Variants in FBXL4 observed in about 807,000 individuals in gnomAD.
FBXL4 encodes the protein F-box/LRR-repeat protein 4.
In FBXL4, 40 loss-of-function variants were observed where a neutral mutation model predicts 58.9. The observed-to-expected ratio is 0.68, with a 90% CI of 0.53 to 0.88. FBXL4 has a LOEUF of 0.88. Among genes scored for constraint, FBXL4 ranks in the 40% least tolerant of loss-of-function variants. The pLI is 0.00. For missense variants in FBXL4, 676 were observed against 734.4 expected (o/e 0.92, Z 0.92); for synonymous variants, 263 against 265.5 (o/e 0.99, Z 0.09).
intron 7 of FBXL4, among the ~76,000 whole-genome samples, chr6:98,889,037 T>C (rs1458820185): frequency 6.6e-6 from 1 of 152,188 alleles, no homozygotes; most frequent in Admixed American, 6.6e-5. Flanking sequence ...AATATTCAAG[T>C]TGGTCACATG....
chr6:98,875,715 CAT>C lies in FBXL4; in HGVS notation c.1400_1401del (p.Tyr467Ter), dbSNP rs1238870745. 24 of 1,613,330 alleles carry C rather than the reference CAT, an allele frequency of 1.5e-5. No homozygotes were observed. The highest frequency in any genetic ancestry group is 1.9e-5 in the Non-Finnish European group (23 of 1,179,908). ...GCTCCTATCATGCTAGCTATCACAT[CAT>C]AGTCTTCAATCTGGAAATCAAATAA... ...SLGSCVMIED[Y>X]DVIASMIGAK... is the part of the protein sequence containing the mutation. On this transcript the variant is annotated frameshift_variant, in exon 9 of 10. Coordinates refer to ENST00000369244, the MANE Select transcript of FBXL4 (RefSeq NM_001278716.2). LOFTEE classifies it high-confidence loss of function.
At chr6:98,906,913 A>T (rs1771836203) in intron 5 of FBXL4, among the ~76,000 whole-genome samples, 1 of 152,112 alleles carries the variant, frequency 6.6e-6, no homozygotes, top group African/African-American at 2.4e-5. Flanking sequence ...GCATTTCTCT[A>T]ATGACCAGTG....
intron 5 of FBXL4, among the ~76,000 whole-genome samples, chr6:98,913,686 A>G (rs1772200115): frequency 6.6e-6 from 1 of 152,254 alleles, no homozygotes; most frequent in African/African-American, 2.4e-5. Flanking sequence ...GGAAATTTAT[A>G]GCACTACATG....
chr6:98,934,271 T>TA (rs1323999690), intron 2 of FBXL4, among the ~76,000 whole-genome samples: 1 of 151,972 alleles, frequency 6.6e-6, no homozygotes, highest in Non-Finnish European at 1.5e-5. Flanking sequence ...AAGAATTTCT[T>TA]AAAGAGATAA....
Position 98,876,819 on chromosome 6 carries a change from G to A in FBXL4, c.1390-1092C>T, listed in dbSNP as rs376387314. 3.9e-5 allele frequency among the ~76,000 whole-genome samples: 6 copies of A among 152,256 alleles called. 1 individual carries two copies. Among genetic ancestry groups the A allele is most frequent in the East Asian group, 3.9e-4 (2 of 5,186 alleles). On this transcript the variant is annotated intron_variant, in intron 8 of 9. Transcript: ENST00000369244. ...GTCCAAGGGTGGTGAGGGAGAGGACGGGCTATGGAGGGCAGAGTCACGCAG... is the reference window on the plus strand; with the variant it reads ...GTCCAAGGGTGGTGAGGGAGAGGACAGGCTATGGAGGGCAGAGTCACGCAG...
intron 7 of FBXL4, chr6:98,898,337 A>G (rs1771478725): frequency 1.1e-5 from 11 of 985,462 alleles, no homozygotes; most frequent in Non-Finnish European, 1.3e-5. Context: ...GCCCAGGTAC[A>G]TACTCTTTAA....
At chr6:98,914,073 G>A (rs1271659301) in intron 5 of FBXL4, among the ~76,000 whole-genome samples, 1 of 152,096 alleles carries the variant, frequency 6.6e-6, no homozygotes, top group Non-Finnish European at 1.5e-5. Flanking sequence ...TAGAAGAAAT[G>A]GATAAATTCC....
At chr6:98,900,052 T>G (rs762724709) in intron 6 of FBXL4, among the ~76,000 whole-genome samples, 1 of 152,216 alleles carries the variant, frequency 6.6e-6, no homozygotes, top group Admixed American at 6.5e-5. Context: ...TTGCTTGATA[T>G]TGAAAATATT....
At chr6:98,898,536 C>T (rs948958887) in intron 7 of FBXL4, 11 of 898,920 alleles carry the variant, frequency 1.2e-5, no homozygotes, top group South Asian at 1.0e-4. Context: ...ACTGGTCAGG[C>T]GGAGGTTTCA....
chr6:98,935,795 CA>C lies in FBXL4; in HGVS notation c.-308-917del, dbSNP rs372124984. 2.2e-3 allele frequency among the ~76,000 whole-genome samples: 253 copies of C among 117,586 alleles called. 6 individuals carry two copies. The highest frequency in any genetic ancestry group is 6.7e-3 in the African/African-American group (190 of 28,302). The allele number at this position is 117,586 out of a possible 152,430, so 77.1% of individuals were successfully genotyped here. On this transcript the variant is annotated intron_variant, in intron 1 of 9. Coordinates refer to ENST00000369244, the MANE Select transcript of FBXL4 (RefSeq NM_001278716.2). ...TGGGCGACAGAGCGAGACTCCGTCT[CA>C]AAAAAAAAAAAAGAATAAGGCATCT...
chr6:98,882,281 T>A (rs928791333), intron 7 of FBXL4, among the ~76,000 whole-genome samples: 1 of 152,084 alleles, frequency 6.6e-6, no homozygotes, highest in Non-Finnish European at 1.5e-5. Context: ...TATGGCTCCA[T>A]CCATTCACAT....
chr6:98,896,356 T>C (rs369451130), intron 7 of FBXL4, among the ~76,000 whole-genome samples: 2 of 152,224 alleles, frequency 1.3e-5, no homozygotes, highest in African/African-American at 4.8e-5. Flanking sequence ...TGAATACTAG[T>C]GCTGTAGCTT....
Position 98,917,695 on chromosome 6 carries a change from T to C in FBXL4, c.537A>G (p.Arg179=), listed in dbSNP as rs191658390. The change falls in exon 5 of 10, where the codon AGA becomes AGG. Residue 179 remains arginine, a synonymous_variant. Coordinates refer to ENST00000369244, the MANE Select transcript of FBXL4 (RefSeq NM_001278716.2). ...CTTGGGAAGCATTCACCTTCGTAGG[T>C]CTCTCTGACCAAAGAATCTCCCATC... ...EVRWEILWSE[R]PTKVNASQAR... 6.2e-7 allele frequency: 1 copy of C among 1,607,416 alleles called. No homozygotes were observed. The highest frequency in any genetic ancestry group is 1.7e-5 in the Admixed American group (1 of 58,988).
chr6:98,880,738 A>C, intron 7 of FBXL4, 114 bp from the exon 8 acceptor site: 4 of 836,220 alleles, frequency 4.8e-6, no homozygotes, highest in Non-Finnish European at 7.9e-6. Flanking sequence ...AATGCAGCTC[A>C]AAAGCTAGGT....
intron 6 of FBXL4, among the ~76,000 whole-genome samples, chr6:98,902,113 C>T (rs1349301828): frequency 6.6e-6 from 1 of 152,076 alleles, no homozygotes; most frequent in African/African-American, 2.4e-5. Context: ...ACGTGAATGA[C>T]TTGAGTTTAC....
At chr6:98,900,783 C>A (rs904127411) in intron 6 of FBXL4, among the ~76,000 whole-genome samples, 2 of 152,182 alleles carry the variant, frequency 1.3e-5, no homozygotes, top group Non-Finnish European at 2.9e-5. Flanking sequence ...CTTATTTACA[C>A]GTGAACACCC....
chr6:98,889,111 TA>T (rs749187548), intron 7 of FBXL4, among the ~76,000 whole-genome samples: 3 of 152,188 alleles, frequency 2.0e-5, no homozygotes, highest in Non-Finnish European at 2.9e-5. Context: ...TAACAAGTTA[TA>T]ACTGGAGAGA....
At chr6:98,913,738 A>C (rs1772202820) in intron 5 of FBXL4, among the ~76,000 whole-genome samples, 1 of 152,234 alleles carries the variant, frequency 6.6e-6, no homozygotes, top group African/African-American at 2.4e-5. Flanking sequence ...TGACACCCTA[A>C]CATCACAATT....
At position 98,905,539 on chromosome 6, in the gene FBXL4, T is replaced by G. The variant is rs933217926; in HGVS notation, c.990A>C (p.Ala330=). ...ATTCCAGAGAAGTGTCATCTAGTTTTGCCCAGTATGGTTGCAGATTGAGGT... is the reference window on the plus strand; with the variant it reads ...ATTCCAGAGAAGTGTCATCTAGTTTGGCCCAGTATGGTTGCAGATTGAGGT... ...YIHLNLQPYW[A]KLDDTSLEFL... The change falls in exon 6 of 10, where the codon GCA becomes GCC. Residue 330 remains alanine, a synonymous_variant. Coordinates refer to ENST00000369244, the MANE Select transcript of FBXL4 (RefSeq NM_001278716.2). 5 of 1,613,914 alleles carry G rather than the reference T, an allele frequency of 3.1e-6. No homozygotes were observed. In the African/African-American group the frequency reaches 6.7e-5, roughly 22 times the overall value.
Sources: allele counts gnomAD v4.1 joint callset (sites outside exome capture counted in the v4.1 genomes callset), GRCh38; gene constraint gnomAD v4.1.1; transcripts MANE v1.5; gene names NCBI Gene and HGNC (gene_info 2026-07-23, HGNC 2026-07-21).